ANKFN1: variants seen among roughly 807,000 people sequenced by gnomAD.
ANKFN1 encodes the protein ankyrin repeat and fibronectin type III domain containing 1, also known as ankyrin repeat and fibronectin type-III domain-containing protein 1.
In ANKFN1, 74 loss-of-function variants were observed where a neutral mutation model predicts 108.7. The observed-to-expected ratio is 0.68, with a 90% CI of 0.56 to 0.83. ANKFN1 has a LOEUF of 0.83. Among genes scored for constraint, ANKFN1 ranks in the 40% least tolerant of loss-of-function variants. ANKFN1 has a pLI of 0.00. For synonymous variants in ANKFN1, 547 were observed against 516.2 expected, an observed-to-expected ratio of 1.06 and a Z score of -0.81; for missense variants, 1,505 against 1,382.3, an observed-to-expected ratio of 1.09 and a Z score of -1.41.
intron 8 of ANKFN1, among the ~76,000 whole-genome samples, chr17:56,379,128 G>T (rs2047021750): frequency 6.6e-6 from 1 of 152,174 alleles, no homozygotes; most frequent in South Asian, 2.1e-4. Flanking sequence ...GCCGGGCGCG[G>T]TGGTTCATGC....
intron 4 of ANKFN1, among the ~76,000 whole-genome samples, chr17:56,347,827 G>A (rs139013571): frequency 2.5e-3 from 378 of 152,148 alleles, no homozygotes; most frequent in Non-Finnish European, 4.1e-3. Flanking sequence ...TGGGAGATGA[G>A]CAAAGACAAA....
intron 3 of ANKFN1, among the ~76,000 whole-genome samples, chr17:56,277,893 C>A (rs1325031379): frequency 6.6e-6 from 1 of 152,168 alleles, no homozygotes; most frequent in Non-Finnish European, 1.5e-5. Flanking sequence ...AGAGTGGTAT[C>A]ACCATCAGTG....
intron 1 of ANKFN1, among the ~76,000 whole-genome samples, chr17:56,201,690 T>C (rs1914075381): frequency 6.6e-6 from 1 of 152,062 alleles, no homozygotes; most frequent in South Asian, 2.1e-4. Flanking sequence ...AAAAATTAGC[T>C]ATTCAGTATA....
intron 3 of ANKFN1, among the ~76,000 whole-genome samples, chr17:56,267,452 T>C (rs911757613): frequency 4.6e-5 from 7 of 152,236 alleles, no homozygotes; most frequent in Non-Finnish European, 1.0e-4. Context: ...TTTTGTTCAA[T>C]TGCTTTTGGA....
chr17:56,200,251 T>C (rs995195888), intron 1 of ANKFN1, among the ~76,000 whole-genome samples: 3 of 152,234 alleles, frequency 2.0e-5, no homozygotes, highest in African/African-American at 7.2e-5. Flanking sequence ...AGTGGAATTT[T>C]ATTTAAATTC....
intron 4 of ANKFN1, among the ~76,000 whole-genome samples, chr17:56,137,878 T>C (rs939010678): frequency 2.0e-5 from 3 of 152,202 alleles, no homozygotes; most frequent in African/African-American, 4.8e-5. Context: ...TCTGATTCCA[T>C]TGAAACTAGA....
chr17:56,128,459 A>T (rs1043040735), intron 4 of ANKFN1, among the ~76,000 whole-genome samples: 1 of 152,122 alleles, frequency 6.6e-6, no homozygotes, highest in Non-Finnish European at 1.5e-5. Context: ...CTCACTTGGG[A>T]TTGAATGTTC....
chr17:56,473,699 A>C (rs191366456), intron 15 of ANKFN1: 1 of 150,686 alleles, frequency 6.6e-6, no homozygotes. Context: ...ATCATGGATT[A>C]TGTGGATGAG....
Position 56,203,250 on chromosome 17 carries a change from A to G in ANKFN1, c.-70-9348A>G, listed in dbSNP as rs142940805. Among the ~76,000 whole-genome samples the G allele has an allele frequency of 1.6e-4, 24 of 152,340 alleles. No homozygotes were observed. In the East Asian group the frequency reaches 4.6e-3, roughly 29 times the overall value. ...TAAATATCTAAGATCTCCACGGGAC[A>G]TACATACATCTTAGGCCTTTTCATC... On this transcript the variant is annotated intron_variant, in intron 1 of 20. Transcript: ENST00000682825.
At position 56,342,935 on chromosome 17, in the gene ANKFN1, G is replaced by C. The variant is rs1015455435; in HGVS notation, c.189-7831G>C. Among the ~76,000 whole-genome samples, 7 of 152,060 alleles carry C rather than the reference G, an allele frequency of 4.6e-5. No individual in the cohort carries two copies. In the South Asian group the frequency reaches 1.5e-3, roughly 32 times the overall value. ...GTGTGGGAGTCTAAGTCTCTTTGAAGGTCTCTAAGAACTTGCTTTATGAAT... is the reference window on the plus strand; with the variant it reads ...GTGTGGGAGTCTAAGTCTCTTTGAACGTCTCTAAGAACTTGCTTTATGAAT... On this transcript the variant is annotated intron_variant, in intron 4 of 20. Transcript: ENST00000682825.
At chr17:56,047,454 A>G (rs1206422435) in intron 4 of ANKFN1, among the ~76,000 whole-genome samples, 1 of 152,108 alleles carries the variant, frequency 6.6e-6, no homozygotes, top group Non-Finnish European at 1.5e-5. Context: ...AGTCTGAGGC[A>G]CTCTGCACTG....
At chr17:56,221,641 A>G (rs1399460245) in intron 2 of ANKFN1, among the ~76,000 whole-genome samples, 1 of 152,240 alleles carries the variant, frequency 6.6e-6, no homozygotes, top group African/African-American at 2.4e-5. Context: ...GGTTGGAAAC[A>G]TGGATGAACT....
chr17:56,348,326 T>C (rs2046159019), intron 4 of ANKFN1, among the ~76,000 whole-genome samples: 1 of 152,138 alleles, frequency 6.6e-6, no homozygotes, highest in Non-Finnish European at 1.5e-5. Context: ...TAGCTAAAAC[T>C]GGGTAGGGCC....
chr17:56,208,775 A>G (rs2143798812), intron 1 of ANKFN1, among the ~76,000 whole-genome samples: 1 of 152,324 alleles, frequency 6.6e-6, no homozygotes, highest in Middle Eastern at 3.4e-3. Flanking sequence ...TACATCTCCT[A>G]GTAGTCCCCC....
At chr17:56,299,905 T>C (rs1211944194) in intron 3 of ANKFN1, among the ~76,000 whole-genome samples, 1 of 152,232 alleles carries the variant, frequency 6.6e-6, no homozygotes, top group Non-Finnish European at 1.5e-5. Flanking sequence ...GTTAAATTTA[T>C]ACACACCCCT....
chr17:56,132,508 G>C (rs1907340019), intron 4 of ANKFN1, among the ~76,000 whole-genome samples: 1 of 152,098 alleles, frequency 6.6e-6, no homozygotes, highest in South Asian at 2.1e-4. Flanking sequence ...ATAAAGCAAA[G>C]ACTGTCTCTA....
chr17:56,056,689 A>G (rs1454559800), intron 4 of ANKFN1, among the ~76,000 whole-genome samples: 1 of 152,274 alleles, frequency 6.6e-6, no homozygotes, highest in Admixed American at 6.5e-5. Flanking sequence ...ATGAATTAAG[A>G]CTTAAATGTA....
At chr17:56,479,977 A>G (rs1346441109) in intron 16 of ANKFN1, among the ~76,000 whole-genome samples, 1 of 152,250 alleles carries the variant, frequency 6.6e-6, no homozygotes, top group East Asian at 1.9e-4. Flanking sequence ...GGGGCAAACC[A>G]GATGTGCTTT....
intron 8 of ANKFN1, among the ~76,000 whole-genome samples, chr17:56,396,042 CAAAACAAAAA>C (rs1269798669): frequency 3.3e-5 from 5 of 151,580 alleles, no homozygotes; most frequent in East Asian, 1.9e-4. Context: ...CAAAACAAAA[CAAAACAAAAA>C]AAACAAAAAA....
Sources: gnomAD v4.1 joint callset for allele counts (sites outside exome capture counted in the v4.1 genomes callset) on GRCh38, gnomAD v4.1.1 for gene constraint, MANE v1.5 for transcripts, NCBI Gene and HGNC (gene_info 2026-07-23, HGNC 2026-07-21) for gene names.